COBL: variants seen among roughly 807,000 people sequenced by gnomAD.
COBL encodes the protein cordon-bleu WH2 repeat protein, also known as protein cordon-bleu.
A neutral mutation model predicts 98.8 loss-of-function variants in COBL; 51 were observed. The ratio of observed to expected loss-of-function variants is 0.52; its 90% CI spans 0.41 to 0.65. The LOEUF (loss-of-function observed/expected upper bound fraction) is 0.65. COBL is among the 30% of genes least tolerant of loss of function. The probability of loss-of-function intolerance (pLI) is 0.00; values close to 1 mark genes in which losing one functional copy is unlikely to be tolerated. For synonymous variants in COBL, 634 were observed against 651.7 expected, an observed-to-expected ratio of 0.97 and a Z score of 0.41; for missense variants, 1,617 against 1,617.5, an observed-to-expected ratio of 1.00 and a Z score of 0.01.
intron 7 of COBL, among the ~76,000 whole-genome samples, chr7:51,068,058 G>A (rs930543042): frequency 6.6e-6 from 1 of 152,214 alleles, no homozygotes; most frequent in Non-Finnish European, 1.5e-5. Flanking sequence ...CTCCTGACTA[G>A]AGCCAGCAAT....
intron 1 of COBL, among the ~76,000 whole-genome samples, chr7:51,243,710 A>C (rs1027687660): frequency 6.6e-6 from 1 of 152,162 alleles, no homozygotes; most frequent in African/African-American, 2.4e-5. Flanking sequence ...AAATCATAGC[A>C]ATGGAAAACA....
chr7:51,029,714 A>C, intron 9 of COBL, 123 bp from the exon 10 acceptor site: 1 of 804,160 alleles, frequency 1.2e-6, no homozygotes, highest in Non-Finnish European at 1.9e-6. Flanking sequence ...ACGTTTTAAA[A>C]TGTTATTTGG....
At chr7:51,085,138 T>C (rs1430587679) in intron 7 of COBL, 28 bp downstream of exon 7, 1 of 1,613,198 alleles carries the variant, frequency 6.2e-7, no homozygotes, top group Admixed American at 1.7e-5. Flanking sequence ...CATCCCCGCA[T>C]GCAGACGGCA....
chr7:51,226,380 T>C (rs888623830), intron 1 of COBL, among the ~76,000 whole-genome samples: 83 of 152,310 alleles, frequency 5.4e-4, no homozygotes, highest in African/African-American at 1.9e-3. Flanking sequence ...GTACATAAGC[T>C]GCGTCTGGTT....
chr7:51,133,605 C>T (rs1472160355), intron 6 of COBL, among the ~76,000 whole-genome samples: 1 of 152,174 alleles, frequency 6.6e-6, no homozygotes, highest in Non-Finnish European at 1.5e-5. Context: ...GCTCAAGTCT[C>T]AGAAATCCTG....
At chr7:51,183,070 G>A (rs1789142259) in intron 5 of COBL, among the ~76,000 whole-genome samples, 1 of 152,122 alleles carries the variant, frequency 6.6e-6, no homozygotes, top group Non-Finnish European at 1.5e-5. Flanking sequence ...CTGAGCCCTG[G>A]TATCCTCATC....
At chr7:51,098,109 T>C (rs1795463099) in intron 6 of COBL, among the ~76,000 whole-genome samples, 1 of 151,486 alleles carries the variant, frequency 6.6e-6, no homozygotes, top group Non-Finnish European at 1.5e-5. Context: ...TTGCTGGAAT[T>C]AGAGAAGACA....
rs773830122 is a variant in COBL, at chr7:51,041,478, C to CTTTTTTTTT, written c.1406+1896_1406+1904dup. On this transcript the variant is annotated intron_variant, in intron 8 of 12. Transcript: ENST00000265136. ...TAAATCAGTTTACCTTATTTCTTTC[C>CTTTTTTTTT]TTTTTTTTTTTTTTTTTTTTTTTGA... Among the ~76,000 whole-genome samples, 17 of 80,038 alleles carry CTTTTTTTTT rather than the reference C, an allele frequency of 2.1e-4. 1 individual carries two copies. Among genetic ancestry groups the CTTTTTTTTT allele is most frequent in the African/African-American group, 2.4e-4 (5 of 20,648 alleles). The allele number at this position is 80,038 out of a possible 152,430, so 52.5% of individuals were successfully genotyped here. A position where few individuals can be genotyped will look rare whatever the true frequency, so the allele number is the denominator to read the frequency against.
rs539286801 is a variant in COBL at position 51,173,114 on chromosome 7, T to A, written c.783+10988A>T. Among the ~76,000 whole-genome samples, 5 of 152,120 alleles carry A rather than the reference T, an allele frequency of 3.3e-5. No homozygotes were observed. The East Asian group carries it at 5.8e-4, about 18-fold the overall frequency. ...AAAATATGCAATTTTAAAACAGTAG[T>A]GGGCCTGAAGTGATGGAGTTAGGTC... On this transcript the variant is annotated intron_variant, in intron 5 of 12. Coordinates refer to ENST00000265136, the MANE Select transcript of COBL (RefSeq NM_015198.5).
At chr7:51,129,091 T>A (rs1467010146) in intron 6 of COBL, among the ~76,000 whole-genome samples, 2 of 152,232 alleles carry the variant, frequency 1.3e-5, no homozygotes, top group Non-Finnish European at 2.9e-5. Flanking sequence ...ATTCTTTCGC[T>A]ATTTGCGCAC....
chr7:51,200,040 C>A (rs542927011), intron 2 of COBL, among the ~76,000 whole-genome samples: 116 of 152,276 alleles, frequency 7.6e-4, no homozygotes, highest in Non-Finnish European at 1.2e-3. Context: ...AAGAGAAAGG[C>A]ACCTTGTCAC....
At chr7:51,106,200 CAAAAA>C (rs61220710) in intron 6 of COBL, among the ~76,000 whole-genome samples, 10,733 of 102,756 alleles carry the variant, frequency 0.1, 569 homozygotes, top group South Asian at 0.16. Flanking sequence ...CGAGATGTCT[CAAAAA>C]AAAAAAAAAA....
At chr7:51,203,652 C>T (rs185981973) in intron 2 of COBL, among the ~76,000 whole-genome samples, 30 of 151,906 alleles carry the variant, frequency 2.0e-4, no homozygotes, top group African/African-American at 6.8e-4. Context: ...ATAAATTCCT[C>T]GACATGTACC....
intron 1 of COBL, among the ~76,000 whole-genome samples, chr7:51,302,579 C>A (rs574053127): frequency 3.8e-4 from 47 of 125,216 alleles, no homozygotes; most frequent in African/African-American, 1.3e-3. Flanking sequence ...GAAACTCCGT[C>A]TCAAAAAAAA....
Position 51,025,350 on chromosome 7 carries a change from T to G in COBL, c.3527A>C (p.Glu1176Ala). The G allele has an allele frequency of 6.2e-7, 1 of 1,613,214 alleles. No homozygotes were observed. Among genetic ancestry groups the G allele is most frequent in the Non-Finnish European group, 8.5e-7 (1 of 1,179,994 alleles). The change falls in exon 12 of 13, where the codon GAG becomes GCG. Residue 1176 changes from glutamate to alanine, a missense_variant. Glu to Ala is a moderately radical substitution (Grantham distance 107, BLOSUM62 -1). Transcript: ENST00000265136. ...LRKVASSASE[E>A]LQSFRDAALS... Reference sequence around the variant, plus strand: ...TGCGGCATCTCGGAAGCTCTGGAGCTCCTCAGAAGCAGAGGATGCCACCTG... The same window carrying G: ...TGCGGCATCTCGGAAGCTCTGGAGCGCCTCAGAAGCAGAGGATGCCACCTG...
At chr7:51,047,706 T>G (rs1377285341) in intron 7 of COBL, among the ~76,000 whole-genome samples, 1 of 152,198 alleles carries the variant, frequency 6.6e-6, no homozygotes, top group African/African-American at 2.4e-5. Flanking sequence ...CACCTCACAC[T>G]GCTGCCTGTG....
At position 51,017,397 on chromosome 7, in the gene COBL, T is replaced by C. The variant is rs886603293; in HGVS notation, c.*154A>G. The C allele has an allele frequency of 1.4e-6, 1 of 736,080 alleles. No homozygotes were observed. The highest frequency in any genetic ancestry group is 2.4e-6 in the Non-Finnish European group (1 of 414,704). 45.6% of individuals were successfully genotyped at this position (736,080 alleles called of 1,614,324 possible). Reference sequence around the variant, plus strand: ...ATCTTCTCCTTTCCTTTCAAGCCGTTATACAGGAACACACCGAAAATCAAC... The same window carrying C: ...ATCTTCTCCTTTCCTTTCAAGCCGTCATACAGGAACACACCGAAAATCAAC... On this transcript the variant is annotated 3_prime_UTR_variant, in exon 13 of 13. Coordinates refer to ENST00000265136, the MANE Select transcript of COBL (RefSeq NM_015198.5).
At chr7:51,307,970 T>C (rs1802647300) in intron 1 of COBL, among the ~76,000 whole-genome samples, 1 of 152,174 alleles carries the variant, frequency 6.6e-6, no homozygotes, top group Non-Finnish European at 1.5e-5. Context: ...ACGTAATAAG[T>C]GGTTTAGGCA....
chr7:51,165,380 T>C (rs1198762233), intron 5 of COBL, among the ~76,000 whole-genome samples: 1 of 152,084 alleles, frequency 6.6e-6, no homozygotes, highest in Non-Finnish European at 1.5e-5. Context: ...AAAGTCATTA[T>C]GTAATGATAA....
Sources: gnomAD v4.1 joint callset for allele counts (sites outside exome capture counted in the v4.1 genomes callset) on GRCh38, gnomAD v4.1.1 for gene constraint, MANE v1.5 for transcripts, NCBI Gene and HGNC (gene_info 2026-07-23, HGNC 2026-07-21) for gene names.